The following PDE9A variants were observed in gnomAD, a reference collection of about 807,000 sequenced individuals.
PDE9A encodes high affinity cGMP-specific 3',5'-cyclic phosphodiesterase 9A.
In PDE9A, 60 loss-of-function variants were observed where a neutral mutation model predicts 87.4. That is an observed-to-expected ratio of 0.69 (90% CI 0.56 to 0.85). The LOEUF (loss-of-function observed/expected upper bound fraction) is 0.85, where lower values mean the gene tolerates loss of function less well. PDE9A is among the 40% of genes least tolerant of loss of function. PDE9A has a pLI of 0.00. For missense variants in PDE9A, 665 were observed against 779.0 expected (o/e 0.85, Z 1.74); for synonymous variants, 272 against 279.4 (o/e 0.97, Z 0.27).
At chr21:42,673,139 G>A (rs754331230) in intron 1 of PDE9A, among the ~76,000 whole-genome samples, 2 of 152,182 alleles carry the variant, frequency 1.3e-5, no homozygotes, top group East Asian at 1.9e-4. Context: ...GATTTGTCTC[G>A]CTTTGCAGCC....
intron 1 of PDE9A, among the ~76,000 whole-genome samples, chr21:42,684,722 G>A (rs540119732): frequency 4.6e-5 from 7 of 152,296 alleles, no homozygotes; most frequent in African/African-American, 1.4e-4. Context: ...GCAGGGCCAG[G>A]ACCAAGCTGC....
In PDE9A at chr21:42,695,358, G is replaced by A. The variant is rs1269164326; in HGVS notation, c.219-3610G>A. 1.3e-5 allele frequency among the ~76,000 whole-genome samples: 2 copies of A among 152,122 alleles called. No individual in the cohort carries two copies. The highest frequency in any genetic ancestry group is 4.8e-5 in the African/African-American group (2 of 41,406). On this transcript the variant is annotated intron_variant, in intron 3 of 19. Transcript: ENST00000291539. This position sits in a 1 kb window ranked among gnomAD's most constrained non-coding sequence, Gnocchi z 4.3. ...AGATCCTGACATCCAGCTAACATGGGCGTTGCTTCCTGACAACCCTACCCC... is the reference window on the plus strand; with the variant it reads ...AGATCCTGACATCCAGCTAACATGGACGTTGCTTCCTGACAACCCTACCCC...
At chr21:42,743,328 G>A (rs2053505942) in intron 7 of PDE9A, among the ~76,000 whole-genome samples, 1 of 152,218 alleles carries the variant, frequency 6.6e-6, no homozygotes, top group South Asian at 2.1e-4. Flanking sequence ...TAATGAGATC[G>A]TAATCCTTGC....
intron 9 of PDE9A, among the ~76,000 whole-genome samples, chr21:42,751,980 A>T (rs1043364599): frequency 6.6e-6 from 1 of 150,728 alleles, no homozygotes; most frequent in Non-Finnish European, 1.5e-5. Context: ...TGAACTTGTG[A>T]CCTCAGGTGA....
chr21:42,765,328 G>A, intron 14 of PDE9A, 53 bp from the exon 15 acceptor site: 1 of 1,048,672 alleles, frequency 9.5e-7, no homozygotes, highest in Non-Finnish European at 1.5e-6. Flanking sequence ...GGCCTCCGCT[G>A]AATAATTGTT....
chr21:42,710,331 C>G (rs1363092708), intron 4 of PDE9A, among the ~76,000 whole-genome samples: 2 of 151,240 alleles, frequency 1.3e-5, no homozygotes, highest in Non-Finnish European at 2.9e-5. Flanking sequence ...ATCTCTTGAA[C>G]CTGGGAGGAG....
At chr21:42,665,398 G>T (rs191763569) in intron 1 of PDE9A, among the ~76,000 whole-genome samples, 16 of 152,246 alleles carry the variant, frequency 1.1e-4, no homozygotes, top group Non-Finnish European at 2.9e-5. Context: ...GGACTGGTTG[G>T]CTCTTAGAAG....
At chr21:42,716,390 G>A (rs1323955866) in intron 4 of PDE9A, among the ~76,000 whole-genome samples, 4 of 151,692 alleles carry the variant, frequency 2.6e-5, no homozygotes, top group Non-Finnish European at 5.9e-5. Context: ...ATCCTCCCCA[G>A]CTTTTGTGTT....
At chr21:42,670,480 AC>A (rs1439810838) in intron 1 of PDE9A, among the ~76,000 whole-genome samples, 1 of 150,934 alleles carries the variant, frequency 6.6e-6, no homozygotes. Flanking sequence ...AGACTTACAC[AC>A]ATACACTTAC....
In PDE9A at chr21:42,773,636, C is replaced by T. The variant is rs368292778; in HGVS notation, c.1768+1116C>T. On this transcript the variant is annotated intron_variant, in intron 19 of 19. Transcript: ENST00000291539. ...CTAACACGGTGAAACCCCGTCTCTA[C>T]TTTAAACACAAAAAATTAGCCGGGC... 4.0e-3 allele frequency among the ~76,000 whole-genome samples: 600 copies of T among 150,778 alleles called. 2 individuals carry two copies. The highest frequency in any genetic ancestry group is 0.014 in the African/African-American group (567 of 41,002).
In PDE9A at chr21:42,760,342, C is replaced by T. The variant is rs747257316; in HGVS notation, c.912C>T (p.Asp304=). 1 of 1,606,316 alleles carries T rather than the reference C, an allele frequency of 6.2e-7. No individual in the cohort carries two copies. The highest frequency in any genetic ancestry group is 1.1e-5 in the South Asian group (1 of 91,060). Residue 304 remains aspartate, a synonymous_variant, in exon 12 of 20, where the codon GAC becomes GAT. Coordinates refer to ENST00000291539, the MANE Select transcript of PDE9A (RefSeq NM_002606.3). This position sits in a 1 kb window ranked among gnomAD's most constrained non-coding sequence, Gnocchi z 5.2. The part of the protein sequence containing the change: ...TLRRWLFCVH[D]NYRNNPFHNF... ...GCCTCCCGCAGTTCTGCGTCCACGA[C>T]AACTACAGAAACAACCCCTTCCACA...
chr21:42,769,677 C>T (rs1252992025), intron 17 of PDE9A, among the ~76,000 whole-genome samples: 1 of 146,632 alleles, frequency 6.8e-6, no homozygotes, highest in Non-Finnish European at 1.5e-5. Context: ...CACAAATGCA[C>T]ACACAGGCAC....
intron 1 of PDE9A, among the ~76,000 whole-genome samples, chr21:42,678,875 C>T (rs976783289): frequency 5.9e-5 from 9 of 152,234 alleles, no homozygotes; most frequent in Non-Finnish European, 4.4e-5. Context: ...GGGGAGGCAG[C>T]GTGGCACGGC....
At chr21:42,753,789 A>T (rs1240051463) in intron 9 of PDE9A, among the ~76,000 whole-genome samples, 1 of 150,458 alleles carries the variant, frequency 6.6e-6, no homozygotes, top group African/African-American at 2.5e-5. Flanking sequence ...ACTTGAACCC[A>T]GGAGGCAGAG....
intron 8 of PDE9A, among the ~76,000 whole-genome samples, chr21:42,744,717 A>C (rs2053663073): frequency 6.6e-6 from 1 of 152,184 alleles, no homozygotes; most frequent in South Asian, 2.1e-4. Flanking sequence ...CTCCAAAGTC[A>C]GTTTTGTGTA....
rs562729504 is a variant in PDE9A at position 42,760,126 on chromosome 21, G to A, written c.898-202G>A. On this transcript the variant is annotated intron_variant, in intron 11 of 19. Transcript: ENST00000291539. The surrounding 1 kb of genome is among the most constrained non-coding windows in gnomAD (Gnocchi z 5.2). The stretch of plus-strand genomic sequence containing the variant: ...TGTCCCCACACCTGCCCCGGGTGCC[G>A]TGGTGTGGCCCGCTGGACGTTCTCA... Among the ~76,000 whole-genome samples the A allele has an allele frequency of 2.6e-5, 4 of 152,142 alleles. No homozygotes were observed. The highest frequency in any genetic ancestry group is 4.1e-4 in the South Asian group (2 of 4,828).
intron 3 of PDE9A, among the ~76,000 whole-genome samples, chr21:42,697,075 T>G (rs1193056606): frequency 6.6e-6 from 1 of 151,962 alleles, no homozygotes; most frequent in African/African-American, 2.4e-5. Context: ...GGGTGTGGGC[T>G]CACTTCTTGA....
At chr21:42,719,134 G>A (rs890337010) in intron 4 of PDE9A, among the ~76,000 whole-genome samples, 3 of 151,668 alleles carry the variant, frequency 2.0e-5, no homozygotes, top group Admixed American at 1.3e-4. Flanking sequence ...ACAAACATGC[G>A]TCATTCAGGG....
In PDE9A at chr21:42,698,965, C is replaced by T; in HGVS notation, c.219-3C>T. 1.2e-6 allele frequency: 2 copies of T among 1,611,456 alleles called. No individual in the cohort carries two copies. The highest frequency in any genetic ancestry group is 1.7e-6 in the Non-Finnish European group (2 of 1,177,752). ...CACAGCGGCACTGTCTTCTCTTTTG[C>T]AGCACTCCGTACAAAGTGAGACCTG... On this transcript the variant is annotated splice_region_variant and splice_polypyrimidine_tract_variant and intron_variant, in intron 3 of 19. Transcript: ENST00000291539.
Sources: gnomAD v4.1 joint callset for allele counts (sites outside exome capture counted in the v4.1 genomes callset) on GRCh38, gnomAD v4.1.1 for gene constraint, Gnocchi (gnomAD v3.1) non-coding constraint, MANE v1.5 for transcripts, NCBI Gene and HGNC (gene_info 2026-07-23, HGNC 2026-07-21) for gene names.